The following RPS6KA3 variants were observed in gnomAD, a reference collection of about 807,000 sequenced individuals.
The protein encoded by RPS6KA3 is ribosomal protein S6 kinase A3.
In RPS6KA3, 4 loss-of-function variants were observed where a neutral mutation model predicts 67.2. That is an observed-to-expected ratio of 0.06 (90% CI 0.03 to 0.14). The LOEUF is 0.14. RPS6KA3 is among the 10% of genes least tolerant of loss of function. RPS6KA3 has a pLI of 1.00. For synonymous variants in RPS6KA3, 182 were observed against 183.7 expected (o/e 0.99, Z 0.07); for missense variants, 204 against 559.0 (o/e 0.36, Z 6.40).
intron 16 of RPS6KA3, among the ~76,000 whole-genome samples, chrX:20,169,152 C>A (rs1393397439): frequency 8.9e-6 from 1 of 111,882 alleles, no homozygotes; most frequent in East Asian, 2.8e-4. Context: ...TGTGCTCGGC[C>A]TGGCTAATTA....
At chrX:20,249,464 A>G (rs1235299401) in intron 1 of RPS6KA3, among the ~76,000 whole-genome samples, 2 of 112,006 alleles carry the variant, frequency 1.8e-5, no homozygotes, top group Non-Finnish European at 3.8e-5. Context: ...CATCCTCGCC[A>G]TTTATTATTG....
At chrX:20,242,567 C>G (rs1418995192) in intron 1 of RPS6KA3, among the ~76,000 whole-genome samples, 2 of 110,698 alleles carry the variant, frequency 1.8e-5, no homozygotes, top group Non-Finnish European at 3.8e-5. Context: ...GCTCCTCAAA[C>G]AAAACAATTT....
At chrX:20,247,377 C>T (rs1450556653) in intron 1 of RPS6KA3, among the ~76,000 whole-genome samples, 1 of 111,797 alleles carries the variant, frequency 8.9e-6, no homozygotes, top group Non-Finnish European at 1.9e-5. Context: ...TTACAGTGAG[C>T]TGAGATCGTG....
intron 10 of RPS6KA3, among the ~76,000 whole-genome samples, chrX:20,177,454 G>C (rs2067727434): frequency 8.9e-6 from 1 of 112,744 alleles, no homozygotes; most frequent in African/African-American, 3.2e-5. Context: ...TTTGGGTTGT[G>C]CCCAGTTTGG....
chrX:20,150,792 T>A lies in RPS6KA3; in HGVS notation c.*4606A>T, dbSNP rs776311012. On this transcript the variant is annotated 3_prime_UTR_variant, in exon 22 of 22. Transcript: ENST00000379565. ...CATGGTATGTGCTCTAAGGAGGTTT[T>A]ATTGAGGTTTGTACCTCTGAACTTA... 8.9e-6 allele frequency: 1 copy of A among 112,436 alleles called. No homozygotes were observed. Among genetic ancestry groups the A allele is most frequent in the Admixed American group, 9.5e-5 (1 of 10,514 alleles). The allele number at this position is 112,436 out of a possible 1,213,427, so 9.3% of individuals were successfully genotyped here.
At chrX:20,196,852 T>C (rs778381811) in intron 4 of RPS6KA3, among the ~76,000 whole-genome samples, 5 of 111,523 alleles carry the variant, frequency 4.5e-5, no homozygotes, top group South Asian at 7.4e-4. Flanking sequence ...ATATGCCCCC[T>C]TTTTTTTGAG....
At chrX:20,264,968 T>C in intron 1 of RPS6KA3, among the ~76,000 whole-genome samples, 1 of 112,622 alleles carries the variant, frequency 8.9e-6, no homozygotes, top group African/African-American at 3.2e-5. Context: ...TTATTAAACA[T>C]CATAAATTTG....
chrX:20,237,861 C>T (rs970105996), intron 1 of RPS6KA3, among the ~76,000 whole-genome samples: 8 of 111,417 alleles, frequency 7.2e-5, no homozygotes, highest in Admixed American at 9.6e-5. Flanking sequence ...TTCTTACTTA[C>T]GCTTCAATAC....
intron 1 of RPS6KA3, among the ~76,000 whole-genome samples, chrX:20,243,409 G>A (rs138794441): frequency 0.024 from 2,641 of 112,264 alleles, 46 homozygotes; most frequent in Middle Eastern, 0.041. Context: ...TTGAATACAT[G>A]AGAAAGTCTA....
chrX:20,244,202 C>T (rs1454112130), intron 1 of RPS6KA3, among the ~76,000 whole-genome samples: 1 of 111,711 alleles, frequency 9.0e-6, no homozygotes, highest in Non-Finnish European at 1.9e-5. Flanking sequence ...CTGACCATGT[C>T]ACCTAGGATG....
intron 10 of RPS6KA3, 100 bp downstream of exon 10, chrX:20,186,196 C>A: frequency 1.7e-6 from 1 of 585,206 alleles, no homozygotes; most frequent in Admixed American, 2.3e-5. Context: ...TCTTCCTTGC[C>A]CTCCCAAAGT....
At chrX:20,168,801 T>C (rs2067502495) in intron 16 of RPS6KA3, among the ~76,000 whole-genome samples, 1 of 112,408 alleles carries the variant, frequency 8.9e-6, no homozygotes, top group African/African-American at 3.2e-5. Context: ...CATATACACA[T>C]ATAAATTGTT....
At chrX:20,223,771 G>A in intron 2 of RPS6KA3, among the ~76,000 whole-genome samples, 1 of 111,902 alleles carries the variant, frequency 8.9e-6, no homozygotes, top group Middle Eastern at 4.6e-3. Flanking sequence ...TATTTGGGTT[G>A]TTATGATGTT....
chrX:20,183,659 G>GT (rs767275020), intron 10 of RPS6KA3, among the ~76,000 whole-genome samples: 2 of 111,848 alleles, frequency 1.8e-5, no homozygotes, highest in Non-Finnish European at 3.8e-5. Flanking sequence ...CTTAGTTACT[G>GT]TTATAATAAG....
chrX:20,241,956 A>T, intron 1 of RPS6KA3, among the ~76,000 whole-genome samples: 1 of 111,815 alleles, frequency 8.9e-6, no homozygotes, highest in Non-Finnish European at 1.9e-5. Flanking sequence ...TCAAAGGTAC[A>T]TCCTAGACCA....
At chrX:20,210,100 T>C in intron 2 of RPS6KA3, among the ~76,000 whole-genome samples, 1 of 112,040 alleles carries the variant, frequency 8.9e-6, no homozygotes, top group East Asian at 2.8e-4. Flanking sequence ...CAGTGAGAAG[T>C]ATCTGGGTTA....
At chrX:20,192,508 G>C (rs778007806) in intron 7 of RPS6KA3, among the ~76,000 whole-genome samples, 1 of 108,416 alleles carries the variant, frequency 9.2e-6, no homozygotes, top group Admixed American at 9.9e-5. Flanking sequence ...AAAGAAGATT[G>C]GTAGATCTGC....
intron 9 of RPS6KA3, 51 bp from the exon 10 acceptor site, chrX:20,186,417 G>T: frequency 1.4e-6 from 1 of 712,226 alleles, no homozygotes; most frequent in Non-Finnish European, 2.2e-6. Flanking sequence ...TATAAAATCT[G>T]AAGGCCAGAA....
intron 19 of RPS6KA3, among the ~76,000 whole-genome samples, chrX:20,161,984 T>A (rs1400557777): frequency 9.2e-6 from 1 of 108,840 alleles, no homozygotes; most frequent in Non-Finnish European, 1.9e-5. Flanking sequence ...ATTACAAATA[T>A]ACAAAATATT....
Sources: allele counts gnomAD v4.1 joint callset (sites outside exome capture counted in the v4.1 genomes callset), GRCh38; gene constraint gnomAD v4.1.1; transcripts MANE v1.5; gene names NCBI Gene and HGNC (gene_info 2026-07-23, HGNC 2026-07-21).